The following STK33 variants were observed in gnomAD, a reference collection of about 807,000 sequenced individuals.
STK33 encodes the protein serine/threonine kinase 33.
Under a neutral mutation model 58.0 loss-of-function variants are expected in STK33, and 52 were observed. The observed-to-expected ratio is 0.90, with a 90% CI of 0.72 to 1.13. The LOEUF is 1.13. STK33 is among the 50% of genes most tolerant of loss of function. The pLI, the probability that STK33 is intolerant of heterozygous loss-of-function variation, is 0.00. For synonymous variants in STK33, 215 were observed against 200.1 expected (o/e 1.07, Z -0.63); for missense variants, 630 against 604.2 (o/e 1.04, Z -0.45).
At chr11:8,396,672 C>T (rs1363110167) in intron 15 of STK33, among the ~76,000 whole-genome samples, 1 of 152,222 alleles carries the variant, frequency 6.6e-6, no homozygotes, top group East Asian at 1.9e-4. Context: ...GGCATCATCT[C>T]ACCCGGGAAG....
intron 15 of STK33, among the ~76,000 whole-genome samples, chr11:8,405,027 A>G (rs968025247): frequency 6.6e-6 from 1 of 152,118 alleles, no homozygotes; most frequent in African/African-American, 2.4e-5. Flanking sequence ...AGTCCCAGCT[A>G]CCCAGGAGGC....
intron 14 of STK33, chr11:8,434,025 C>T (rs1478013499): frequency 6.5e-6 from 1 of 152,890 alleles, no homozygotes; most frequent in African/African-American, 2.4e-5. Context: ...GAGATCGAGA[C>T]CATCCTGGCC....
At chr11:8,504,666 G>C (rs1320192502) in intron 1 of STK33, among the ~76,000 whole-genome samples, 2 of 151,900 alleles carry the variant, frequency 1.3e-5, no homozygotes, top group African/African-American at 2.4e-5. Context: ...TCCAGGCATG[G>C]TGGTGTGTGC....
At chr11:8,486,822 G>C (rs1950224870) in intron 1 of STK33, among the ~76,000 whole-genome samples, 1 of 152,202 alleles carries the variant, frequency 6.6e-6, no homozygotes, top group African/African-American at 2.4e-5. Context: ...AGCAGAATCA[G>C]GGATGGGAAA....
intron 1 of STK33, among the ~76,000 whole-genome samples, chr11:8,534,598 G>GTGTA (rs1362452725): frequency 6.8e-6 from 1 of 147,296 alleles, no homozygotes; most frequent in Non-Finnish European, 1.5e-5. Context: ...GTGTGTGTGT[G>GTGTA]TGTCAAGGTA....
the STK33 span, among the ~76,000 whole-genome samples, chr11:8,376,580 T>G: frequency 9.2e-5 from 14 of 151,900 alleles, no homozygotes; most frequent in Admixed American, 7.2e-4. Context: ...TCTCACTCTG[T>G]CACCAGGCTG....
At chr11:8,352,482 G>A in the STK33 span, among the ~76,000 whole-genome samples, 2 of 152,210 alleles carry the variant, frequency 1.3e-5, no homozygotes, top group African/African-American at 4.8e-5. Context: ...AGCATCTGGA[G>A]AGACCAGGTG....
At chr11:8,553,210 T>C (rs1216343866) in intron 1 of STK33, among the ~76,000 whole-genome samples, 3 of 105,910 alleles carry the variant, frequency 2.8e-5, no homozygotes, top group East Asian at 2.8e-4. Flanking sequence ...TGTATATATA[T>C]ATATATATAT....
At chr11:8,363,536 C>T in the STK33 span, among the ~76,000 whole-genome samples, 14,535 of 152,096 alleles carry the variant, frequency 0.096, 894 homozygotes, top group African/African-American at 0.18. Flanking sequence ...CTTCGTGTGA[C>T]TGGAATCATA....
At chr11:8,433,461 T>C (rs1192933058) in intron 14 of STK33, among the ~76,000 whole-genome samples, 1 of 152,228 alleles carries the variant, frequency 6.6e-6, no homozygotes, top group African/African-American at 2.4e-5. Context: ...TGGCTTTAAG[T>C]GGTGTTTGTA....
the STK33 span, among the ~76,000 whole-genome samples, chr11:8,371,866 C>T: frequency 2.7e-5 from 4 of 148,078 alleles, no homozygotes; most frequent in African/African-American, 1.0e-4. Flanking sequence ...TCCCTCCCTC[C>T]CTCCTTCTCT....
intron 1 of STK33, among the ~76,000 whole-genome samples, chr11:8,515,471 A>C (rs9667783): frequency 0.029 from 4,453 of 152,290 alleles, 218 homozygotes; most frequent in African/African-American, 0.1. Flanking sequence ...GGTGAATTCC[A>C]AATTCATTTT....
the STK33 span, among the ~76,000 whole-genome samples, chr11:8,355,688 C>T: frequency 1.1e-4 from 16 of 152,350 alleles, no homozygotes; most frequent in East Asian, 3.1e-3. Context: ...CACTTACCAA[C>T]AGGCCACTAA....
intron 1 of STK33, among the ~76,000 whole-genome samples, chr11:8,488,312 G>A (rs1243286858): frequency 1.3e-5 from 2 of 152,048 alleles, no homozygotes. Context: ...GAAAAAGCTG[G>A]AAAATTAGAT....
At chr11:8,378,379 A>C in the STK33 span, among the ~76,000 whole-genome samples, 5 of 152,168 alleles carry the variant, frequency 3.3e-5, no homozygotes, top group Admixed American at 3.3e-4. Context: ...TTAGCTGGGC[A>C]TGGTGGTGCA....
At chr11:8,465,971 A>C (rs951711383) in intron 6 of STK33, 1 of 152,280 alleles carries the variant, frequency 6.6e-6, no homozygotes, top group Non-Finnish European at 1.5e-5. Flanking sequence ...GGGCTTGTAC[A>C]CAGAAACTCC....
intron 11 of STK33, among the ~76,000 whole-genome samples, chr11:8,446,636 C>T (rs962817807): frequency 6.6e-6 from 1 of 152,082 alleles, no homozygotes; most frequent in African/African-American, 2.4e-5. Flanking sequence ...ACCAATGGAA[C>T]AGAACAGAGG....
chr11:8,423,002 G>A lies in STK33; in HGVS notation c.1147-9310C>T, dbSNP rs183264024. ...CAGCCGGGCATGGGCCACCATGCCC[G>A]GCTGATTTTTTAAATTTTTTGTAGG... On this transcript the variant is annotated intron_variant, in intron 14 of 15. Coordinates refer to ENST00000687296, the MANE Select transcript of STK33 (RefSeq NM_001352389.2). Among the ~76,000 whole-genome samples the A allele has an allele frequency of 2.7e-3, 394 of 148,186 alleles. 2 individuals are homozygous for A. Among genetic ancestry groups the A allele is most frequent in the African/African-American group, 9.1e-3 (375 of 40,988 alleles).
intron 11 of STK33, among the ~76,000 whole-genome samples, chr11:8,442,807 T>C (rs1944935213): frequency 6.6e-6 from 1 of 152,142 alleles, no homozygotes; most frequent in African/African-American, 2.4e-5. Context: ...AAACTACTGA[T>C]ACAACATGGA....
Sources: gnomAD v4.1 joint callset for allele counts (sites outside exome capture counted in the v4.1 genomes callset) on GRCh38, gnomAD v4.1.1 for gene constraint, MANE v1.5 for transcripts, NCBI Gene and HGNC (gene_info 2026-07-23, HGNC 2026-07-21) for gene names.